TLN2: variants seen among roughly 807,000 people sequenced by gnomAD.
The protein encoded by TLN2 is talin 2.
Under a neutral mutation model 294.7 loss-of-function variants are expected in TLN2, and 118 were observed. The observed-to-expected ratio is 0.40, with a 90% confidence interval of 0.34 to 0.47. TLN2 has a LOEUF of 0.47. Among genes scored for constraint, TLN2 ranks in the 20% least tolerant of loss-of-function variants. The probability of loss-of-function intolerance (pLI) is 0.84; values close to 1 mark genes in which losing one functional copy is unlikely to be tolerated. For synonymous variants in TLN2, 1,431 were observed against 1,304.5 expected, an observed-to-expected ratio of 1.10 and a Z score of -2.09; for missense variants, 3,083 against 3,282.2, an observed-to-expected ratio of 0.94 and a Z score of 1.48.
intron 52 of TLN2, among the ~76,000 whole-genome samples, chr15:62,815,177 T>TCACACACACACA (rs3055852): frequency 2.0e-4 from 28 of 140,686 alleles, no homozygotes; most frequent in African/African-American, 2.5e-4. Flanking sequence ...ATTCTGTCTG[T>TCACACACACACA]CACACACACA....
intron 54 of TLN2, chr15:62,824,111 T>G: frequency 2.4e-6 from 1 of 413,524 alleles, no homozygotes. Flanking sequence ...ACAAGTAGAT[T>G]TAGAAGATGG....
intron 28 of TLN2, among the ~76,000 whole-genome samples, chr15:62,729,788 T>G (rs1003922828): frequency 2.0e-5 from 3 of 152,120 alleles, no homozygotes; most frequent in African/African-American, 7.2e-5. Context: ...TCTTACTATT[T>G]GTTTTCTCTG....
chr15:62,829,273 G>C (rs1475473343), intron 54 of TLN2: 1 of 151,778 alleles, frequency 6.6e-6, no homozygotes, highest in Non-Finnish European at 1.5e-5. Context: ...GATACATAAA[G>C]AAAAGGTTTA....
In TLN2 at chr15:62,836,573, T is replaced by C. The variant is rs536151857; in HGVS notation, c.7374+500T>C. On this transcript the variant is annotated intron_variant, in intron 57 of 58. Coordinates refer to ENST00000636159, the MANE Select transcript of TLN2 (RefSeq NM_015059.3). ...TCAGAGGAGGCCTTCAGCCAGTGTC[T>C]GCTACAGAAGGGAGTAAAATGACTG... 1.2e-3 allele frequency among the ~76,000 whole-genome samples: 177 copies of C among 152,358 alleles called. 1 individual carries two copies. The highest frequency in any genetic ancestry group is 4.0e-3 in the African/African-American group (165 of 41,586).
At position 62,485,045 on chromosome 15, in the gene TLN2, A is replaced by G. The variant is rs538598708; in HGVS notation, c.-238+94360A>G. ...GGCAGCCTGCATCACTCAGCTGGGGATACCATTCCTTCATCTTCAAATCCA... is the reference window on the plus strand; with the variant it reads ...GGCAGCCTGCATCACTCAGCTGGGGGTACCATTCCTTCATCTTCAAATCCA... On this transcript the variant is annotated intron_variant, in intron 1 of 58. Coordinates refer to ENST00000636159, the MANE Select transcript of TLN2 (RefSeq NM_015059.3). 7.9e-5 allele frequency among the ~76,000 whole-genome samples: 12 copies of G among 152,170 alleles called. 1 individual carries two copies. The South Asian group carries it at 2.5e-3, about 32-fold the overall frequency.
intron 37 of TLN2, among the ~76,000 whole-genome samples, chr15:62,757,111 C>A (rs1401470355): frequency 1.3e-5 from 2 of 152,234 alleles, no homozygotes; most frequent in Non-Finnish European, 2.9e-5. Context: ...TCACTCCATA[C>A]AACCACCCTG....
At chr15:62,708,058 C>T (rs1226287173) in intron 20 of TLN2, among the ~76,000 whole-genome samples, 1 of 147,878 alleles carries the variant, frequency 6.8e-6, no homozygotes, top group Non-Finnish European at 1.5e-5. Flanking sequence ...ACTGACAGAA[C>T]CCCCCTGTTC....
chr15:62,661,453 C>G (rs1226148034), intron 9 of TLN2, among the ~76,000 whole-genome samples: 1 of 151,920 alleles, frequency 6.6e-6, no homozygotes. Flanking sequence ...CAAGAAATAA[C>G]CTGTATAGCT....
chr15:62,641,949 C>T (rs1372016171), intron 3 of TLN2, among the ~76,000 whole-genome samples: 1 of 152,192 alleles, frequency 6.6e-6, no homozygotes, highest in East Asian at 1.9e-4. Context: ...CTGGGTGAAC[C>T]AGGGTGATCC....
intron 3 of TLN2, among the ~76,000 whole-genome samples, chr15:62,621,517 G>A (rs2048827515): frequency 6.6e-6 from 1 of 152,196 alleles, no homozygotes; most frequent in African/African-American, 2.4e-5. Context: ...CCCCAGCCCT[G>A]TATTCTCAAA....
chr15:62,623,713 T>A (rs2049029514), intron 3 of TLN2, among the ~76,000 whole-genome samples: 1 of 152,232 alleles, frequency 6.6e-6, no homozygotes, highest in Non-Finnish European at 1.5e-5. Flanking sequence ...TTGACCATTA[T>A]CAGGCAGTTT....
At chr15:62,409,261 C>G (rs985041723) in intron 1 of TLN2, among the ~76,000 whole-genome samples, 8 of 152,152 alleles carry the variant, frequency 5.3e-5, no homozygotes, top group Non-Finnish European at 1.0e-4. Context: ...GTGTCAGCCA[C>G]TGTGCCTTGT....
In TLN2 at chr15:62,436,671, G is replaced by A. The variant is rs74019764; in HGVS notation, c.-238+45986G>A. Among the ~76,000 whole-genome samples the A allele has an allele frequency of 3.7e-3, 565 of 152,290 alleles. 3 individuals are homozygous for A. Among genetic ancestry groups the A allele is most frequent in the African/African-American group, 0.012 (519 of 41,572 alleles). On this transcript the variant is annotated intron_variant, in intron 1 of 58. Transcript: ENST00000636159. ...GAGGAATCAGGTTGTTTGAATTGTT[G>A]AAGAGTTGTGTATGGCTTGGTTATT...
At chr15:62,575,952 T>G (rs1410200545) in intron 1 of TLN2, among the ~76,000 whole-genome samples, 1 of 152,196 alleles carries the variant, frequency 6.6e-6, no homozygotes, top group East Asian at 1.9e-4. Context: ...AGATGTAATT[T>G]TGTCTTATTC....
intron 3 of TLN2, among the ~76,000 whole-genome samples, chr15:62,644,272 C>G (rs1051638983): frequency 6.6e-6 from 1 of 151,612 alleles, no homozygotes; most frequent in African/African-American, 2.4e-5. Flanking sequence ...TCTCTCCCTT[C>G]TGTTTGATGT....
intron 3 of TLN2, among the ~76,000 whole-genome samples, chr15:62,638,835 T>C (rs1234401076): frequency 6.6e-6 from 1 of 152,190 alleles, no homozygotes; most frequent in African/African-American, 2.4e-5. Context: ...CAGTTATTTC[T>C]GACTGATGTG....
At chr15:62,390,942 T>C (rs1042714240) in intron 1 of TLN2, among the ~76,000 whole-genome samples, 9 of 152,232 alleles carry the variant, frequency 5.9e-5, no homozygotes, top group African/African-American at 1.4e-4. Context: ...TATGTTTCAC[T>C]GCACCGGACC....
intron 1 of TLN2, among the ~76,000 whole-genome samples, chr15:62,581,942 G>A (rs2045079137): frequency 6.6e-6 from 1 of 151,972 alleles, no homozygotes; most frequent in Non-Finnish European, 1.5e-5. Flanking sequence ...TACCCAGGAG[G>A]CTGAGGCAGG....
chr15:62,447,729 G>C (rs561502837), intron 1 of TLN2, among the ~76,000 whole-genome samples: 102 of 152,062 alleles, frequency 6.7e-4, no homozygotes, highest in African/African-American at 2.4e-3. Context: ...TCCTGACCCC[G>C]TGATCTGCCC....
Sources: gnomAD v4.1 joint callset for allele counts (sites outside exome capture counted in the v4.1 genomes callset) on GRCh38, gnomAD v4.1.1 for gene constraint, MANE v1.5 for transcripts, NCBI Gene and HGNC (gene_info 2026-07-23, HGNC 2026-07-21) for gene names.